The following PHACTR3 variants were observed in gnomAD, a reference collection of about 807,000 sequenced individuals.
The protein encoded by PHACTR3 is phosphatase and actin regulator 3, also known as protein phosphatase 1, regulatory subunit 123.
Under a neutral mutation model 66.8 loss-of-function variants are expected in PHACTR3, and 16 were observed. That is an observed-to-expected ratio of 0.24 (90% CI 0.16 to 0.36). The LOEUF (loss-of-function observed/expected upper bound fraction) is 0.36. PHACTR3 is among the 10% of genes least tolerant of loss of function. The pLI, the probability that PHACTR3 is intolerant of heterozygous loss-of-function variation, is 1.00. For missense variants in PHACTR3, 647 were observed against 719.9 expected, an observed-to-expected ratio of 0.90 and a Z score of 1.16; for synonymous variants, 323 against 292.1, an observed-to-expected ratio of 1.11 and a Z score of -1.08.
At chr20:59,758,778 G>A (rs185695281) in intron 4 of PHACTR3, among the ~76,000 whole-genome samples, 29 of 152,244 alleles carry the variant, frequency 1.9e-4, no homozygotes, top group Non-Finnish European at 2.8e-4. Context: ...TGAGACACAC[G>A]GCTGAACTCC....
chr20:59,840,624 A>G (rs2059041576), intron 10 of PHACTR3, among the ~76,000 whole-genome samples, 194 bp downstream of exon 10: 1 of 152,234 alleles, frequency 6.6e-6, no homozygotes, highest in Non-Finnish European at 1.5e-5. Flanking sequence ...TTCCCTATGG[A>G]CGAAGTCCTT....
chr20:59,807,017 G>C (rs1374788585), intron 8 of PHACTR3, among the ~76,000 whole-genome samples: 3 of 152,228 alleles, frequency 2.0e-5, no homozygotes, highest in Non-Finnish European at 4.4e-5. Context: ...AAGTTGCTCT[G>C]GGTGAGTCCC....
chr20:59,656,702 C>A (rs1003893986), intron 1 of PHACTR3, among the ~76,000 whole-genome samples: 2 of 151,536 alleles, frequency 1.3e-5, no homozygotes, highest in African/African-American at 4.8e-5. Context: ...ATCTCTCATG[C>A]CTTTTTTGTT....
chr20:59,650,933 G>A (rs1220949316), intron 1 of PHACTR3, among the ~76,000 whole-genome samples: 3 of 151,986 alleles, frequency 2.0e-5, no homozygotes, highest in Non-Finnish European at 4.4e-5. Context: ...GATCTATAAT[G>A]TTTTGTTTTT....
intron 1 of PHACTR3, among the ~76,000 whole-genome samples, chr20:59,640,520 G>A (rs6027013): frequency 2.0e-5 from 3 of 152,174 alleles, no homozygotes; most frequent in Non-Finnish European, 4.4e-5. Context: ...GGGGACTGTA[G>A]CAACCTAAAG....
chr20:59,638,925 A>G (rs2034999509), intron 1 of PHACTR3, among the ~76,000 whole-genome samples: 1 of 132,296 alleles, frequency 7.6e-6, no homozygotes, highest in African/African-American at 2.9e-5. Flanking sequence ...ATAGATGGAT[A>G]GGAGGATGGA....
At chr20:59,602,076 T>C (rs2033492741), upstream of PHACTR3, among the ~76,000 whole-genome samples, 1 of 152,178 alleles carries the variant, frequency 6.6e-6, no homozygotes, top group African/African-American at 2.4e-5. Context: ...TCTTTGTCCT[T>C]ATGGTAACAT....
intron 1 of PHACTR3, among the ~76,000 whole-genome samples, chr20:59,670,685 T>A (rs550117520): frequency 6.6e-6 from 1 of 151,490 alleles, no homozygotes; most frequent in Non-Finnish European, 1.5e-5. Flanking sequence ...CGTTAAGGTG[T>A]CCTAGAGGGA....
intron 1 of PHACTR3, among the ~76,000 whole-genome samples, chr20:59,627,859 TTATG>T (rs1052798240): frequency 3.9e-5 from 6 of 152,244 alleles, no homozygotes; most frequent in African/African-American, 1.4e-4. Context: ...CTATTTTTAT[TTATG>T]TATCAATATA....
intron 9 of PHACTR3, among the ~76,000 whole-genome samples, chr20:59,839,661 A>G (rs886727069): frequency 6.6e-6 from 1 of 152,174 alleles, no homozygotes; most frequent in Non-Finnish European, 1.5e-5. Flanking sequence ...TTTGGCTTCC[A>G]AGGGTAGGTG....
At chr20:59,581,880 CAA>C (rs11478164) in intron 1 of PHACTR3, among the ~76,000 whole-genome samples, 43,331 of 133,496 alleles carry the variant, frequency 0.32, 6,281 homozygotes, top group Admixed American at 0.39. Flanking sequence ...GACTCCGTCT[CAA>C]AAAAAAAAAA....
rs1294253841 is a variant in PHACTR3, at chr20:59,738,238, G to A, written c.119-4869G>A. On this transcript the variant is annotated intron_variant, in intron 1 of 12. Coordinates refer to ENST00000371015, the MANE Select transcript of PHACTR3 (RefSeq NM_080672.5). This position sits in a 1 kb window ranked among gnomAD's most constrained non-coding sequence, Gnocchi z 4.4. ...GGCAGGGCCAGGAGGGGAGCCTGGG[G>A]TGCCTGGTCCCAGCCCCCATGTTCT... Among the ~76,000 whole-genome samples the A allele has an allele frequency of 6.6e-6, 1 of 152,070 alleles. No homozygotes were observed. The highest frequency in any genetic ancestry group is 1.5e-5 in the Non-Finnish European group (1 of 68,006).
chr20:59,823,963 G>A (rs1019558157), intron 8 of PHACTR3, among the ~76,000 whole-genome samples: 56 of 152,340 alleles, frequency 3.7e-4, no homozygotes, highest in African/African-American at 1.3e-3. Flanking sequence ...CTCAGCTGGT[G>A]TGGCCAGGCA....
chr20:59,686,837 TGATG>T (rs2036899625), intron 1 of PHACTR3, among the ~76,000 whole-genome samples: 1 of 150,810 alleles, frequency 6.6e-6, no homozygotes, highest in African/African-American at 2.4e-5. Context: ...GTGGTGATGA[TGATG>T]GTGATGATGG....
intron 1 of PHACTR3, among the ~76,000 whole-genome samples, chr20:59,584,576 T>C (rs1037185318): frequency 6.6e-6 from 1 of 152,148 alleles, no homozygotes; most frequent in East Asian, 1.9e-4. Context: ...TATGTGTGCA[T>C]GTATATATGG....
chr20:59,707,114 G>A (rs2037734788), intron 1 of PHACTR3, among the ~76,000 whole-genome samples: 1 of 152,252 alleles, frequency 6.6e-6, no homozygotes, highest in African/African-American at 2.4e-5. Context: ...AGGGCATCAG[G>A]CAGGTGGCTG....
At chr20:59,798,501 A>G (rs147651279) in intron 7 of PHACTR3, among the ~76,000 whole-genome samples, 23 of 152,230 alleles carry the variant, frequency 1.5e-4, no homozygotes, top group Non-Finnish European at 3.4e-4. Flanking sequence ...GTGTATGTGC[A>G]TGAAGATTTT....
intron 3 of PHACTR3, among the ~76,000 whole-genome samples, chr20:59,753,465 C>T (rs116155871): frequency 1.8e-3 from 268 of 152,292 alleles, no homozygotes; most frequent in African/African-American, 6.2e-3. Context: ...GTGGTGAGGA[C>T]TCTGGAGGGA....
At chr20:59,804,324 C>A (rs1321071197) in intron 7 of PHACTR3, among the ~76,000 whole-genome samples, 1 of 152,148 alleles carries the variant, frequency 6.6e-6, no homozygotes, top group Non-Finnish European at 1.5e-5. Context: ...CGGTTAAGAG[C>A]AAATACGATT....
Sources: allele counts gnomAD v4.1 joint callset (sites outside exome capture counted in the v4.1 genomes callset), GRCh38; gene constraint gnomAD v4.1.1; non-coding constraint Gnocchi (gnomAD v3.1); transcripts MANE v1.5; gene names NCBI Gene and HGNC (gene_info 2026-07-23, HGNC 2026-07-21).